The following LRRTM4 variants were observed in gnomAD, a reference collection of about 807,000 sequenced individuals.
LRRTM4 encodes leucine-rich repeat transmembrane neuronal protein 4.
A neutral mutation model predicts 47.6 loss-of-function variants in LRRTM4; 25 were observed. The ratio of observed to expected loss-of-function variants is 0.53; its 90% CI spans 0.38 to 0.73. The LOEUF (loss-of-function observed/expected upper bound fraction) is 0.73, where lower values mean the gene tolerates loss of function less well. Among genes scored for constraint, LRRTM4 ranks in the 30% least tolerant of loss-of-function variants. LRRTM4 has a pLI of 0.00. For missense variants in LRRTM4, 638 were observed against 713.4 expected (o/e 0.89, Z 1.20); for synonymous variants, 311 against 269.5 (o/e 1.15, Z -1.51).
chr2:77,483,504 C>A (rs1677796667), intron 3 of LRRTM4, among the ~76,000 whole-genome samples: 1 of 152,120 alleles, frequency 6.6e-6, no homozygotes, highest in Non-Finnish European at 1.5e-5. Flanking sequence ...CCACGCTCAG[C>A]TAATTTTTGT....
intron 3 of LRRTM4, among the ~76,000 whole-genome samples, chr2:76,835,027 T>C (rs918231729): frequency 6.6e-6 from 1 of 152,124 alleles, no homozygotes; most frequent in African/African-American, 2.4e-5. Flanking sequence ...GGTAATATCA[T>C]AAGGAAGACA....
rs1217526944 is a variant in LRRTM4 at position 76,974,265 on chromosome 2, C to CAT, written c.1552-225351_1552-225350dup. 4.6e-5 allele frequency among the ~76,000 whole-genome samples: 6 copies of CAT among 129,716 alleles called. No homozygotes were observed. In the South Asian group the frequency reaches 1.4e-3, roughly 31 times the overall value. The allele number at this position is 129,716 out of a possible 152,430, so 85.1% of individuals were successfully genotyped here. ...ACATATATATATATACACACACATA[C>CAT]ATATATATATGGATTATTTTGACAT... On this transcript the variant is annotated intron_variant, in intron 3 of 3. Coordinates refer to ENST00000409884, the MANE Select transcript of LRRTM4 (RefSeq NM_001134745.3).
At chr2:77,367,700 G>T (rs556644650) in intron 3 of LRRTM4, among the ~76,000 whole-genome samples, 6 of 151,796 alleles carry the variant, frequency 4.0e-5, no homozygotes, top group Admixed American at 2.0e-4. Context: ...AGAATTGATT[G>T]TTTCCATTTC....
chr2:76,902,872 A>G (rs1424605813), intron 3 of LRRTM4, among the ~76,000 whole-genome samples: 1 of 152,102 alleles, frequency 6.6e-6, no homozygotes, highest in Admixed American at 6.6e-5. Context: ...AAATGCTATC[A>G]TGTTCATTTG....
chr2:77,489,209 A>G (rs570454091), intron 3 of LRRTM4, among the ~76,000 whole-genome samples: 3 of 152,320 alleles, frequency 2.0e-5, no homozygotes, highest in African/African-American at 7.2e-5. Context: ...CTTGTCCAGA[A>G]GACTATAATC....
intron 3 of LRRTM4, among the ~76,000 whole-genome samples, chr2:77,108,611 T>A (rs1485957972): frequency 6.8e-6 from 1 of 147,032 alleles, no homozygotes; most frequent in Non-Finnish European, 1.5e-5. Context: ...TGAGACGGAG[T>A]CTCGCTCTGT....
intron 3 of LRRTM4, among the ~76,000 whole-genome samples, chr2:76,985,746 G>A (rs996566132): frequency 6.6e-6 from 1 of 151,848 alleles, no homozygotes; most frequent in African/African-American, 2.4e-5. Flanking sequence ...CAAAACACCG[G>A]CTTTTTTGAA....
rs192771748 is a variant in LRRTM4 at position 77,102,072 on chromosome 2, G to C, written c.1552-353156C>G. Among the ~76,000 whole-genome samples the C allele has an allele frequency of 2.0e-3, 307 of 152,286 alleles. 1 individual carries two copies. Among genetic ancestry groups the C allele is most frequent in the Middle Eastern group, 0.01 (3 of 294 alleles). The stretch of plus-strand genomic sequence containing the variant: ...GTTACTATCTGTGTGTGCTGTTTCA[G>C]CAACATTGGGCAACTGGCTCCAGCC... On this transcript the variant is annotated intron_variant, in intron 3 of 3. Coordinates refer to ENST00000409884, the MANE Select transcript of LRRTM4 (RefSeq NM_001134745.3).
At chr2:77,326,623 C>T (rs1280958570) in intron 3 of LRRTM4, among the ~76,000 whole-genome samples, 2 of 151,984 alleles carry the variant, frequency 1.3e-5, no homozygotes, top group Non-Finnish European at 2.9e-5. Flanking sequence ...CTTGAACTCC[C>T]GGCCTCAAGC....
intron 3 of LRRTM4, among the ~76,000 whole-genome samples, chr2:77,003,000 T>TG: frequency 6.9e-6 from 1 of 145,704 alleles, no homozygotes; most frequent in South Asian, 2.1e-4. Flanking sequence ...TTGTCAACAG[T>TG]GGTAACTTCA....
intron 3 of LRRTM4, among the ~76,000 whole-genome samples, chr2:77,242,597 C>G (rs1406788545): frequency 6.6e-6 from 1 of 151,846 alleles, no homozygotes. Context: ...AAATATAAAT[C>G]AAAACCACAA....
intron 3 of LRRTM4, among the ~76,000 whole-genome samples, chr2:77,137,694 G>A (rs373625725): frequency 6.6e-6 from 1 of 152,086 alleles, no homozygotes; most frequent in African/African-American, 2.4e-5. Flanking sequence ...TGGAAAAAGA[G>A]TCAAGACCCA....
At chr2:76,808,413 C>G (rs768022790) in intron 3 of LRRTM4, among the ~76,000 whole-genome samples, 1 of 148,798 alleles carries the variant, frequency 6.7e-6, no homozygotes, top group Non-Finnish European at 1.5e-5. Flanking sequence ...TATTTTCCAA[C>G]TGCATTGAAA....
intron 3 of LRRTM4, among the ~76,000 whole-genome samples, chr2:77,407,739 A>C (rs1228199328): frequency 1.5e-5 from 2 of 137,174 alleles, no homozygotes; most frequent in Non-Finnish European, 3.1e-5. Flanking sequence ...ATTATATATT[A>C]TATTCTATTA....
rs540335481 is a variant in LRRTM4 at position 76,798,401 on chromosome 2, A to G, written c.1552-49485T>C. Among the ~76,000 whole-genome samples the G allele has an allele frequency of 2.0e-5, 3 of 151,910 alleles. No individual in the cohort carries two copies. In the South Asian group the frequency reaches 6.3e-4, roughly 32 times the overall value. On this transcript the variant is annotated intron_variant, in intron 3 of 3. Coordinates refer to ENST00000409884, the MANE Select transcript of LRRTM4 (RefSeq NM_001134745.3). ...CAAATAAGGATGTTCTTTGAAACCA[A>G]CGAGAACAAAGACACAACATACCAG...
At chr2:77,495,391 TTTTAAC>T (rs201702512) in intron 3 of LRRTM4, among the ~76,000 whole-genome samples, 2,740 of 152,172 alleles carry the variant, frequency 0.018, 89 homozygotes, top group African/African-American at 0.062. Flanking sequence ...AGAGCAGAAG[TTTTAAC>T]TTTAAGTCCA....
In LRRTM4 at chr2:77,460,608, C is replaced by T. The variant is rs1412814311; in HGVS notation, c.1551+57710G>A. On this transcript the variant is annotated intron_variant, in intron 3 of 3. Coordinates refer to ENST00000409884, the MANE Select transcript of LRRTM4 (RefSeq NM_001134745.3). ...TGGTTCATTGACCAAAATAATTATA[C>T]ACATGTAATAAGTTAATTGATTATG... Among the ~76,000 whole-genome samples the T allele has an allele frequency of 4.6e-5, 7 of 152,178 alleles. No individual in the cohort carries two copies. The East Asian group carries it at 5.8e-4, about 13-fold the overall frequency.
At chr2:76,752,619 GCT>G (rs199667795) in intron 3 of LRRTM4, among the ~76,000 whole-genome samples, 3,873 of 152,194 alleles carry the variant, frequency 0.025, 75 homozygotes, top group Non-Finnish European at 0.039. Context: ...TGAAATATTT[GCT>G]CTTTTACTCT....
At chr2:76,841,704 G>T (rs1573196748) in intron 3 of LRRTM4, among the ~76,000 whole-genome samples, 1 of 142,948 alleles carries the variant, frequency 7.0e-6, no homozygotes, top group Non-Finnish European at 1.5e-5. Context: ...ATATATAAAA[G>T]AATTCAAGAC....
Sources: gnomAD v4.1 joint callset for allele counts (sites outside exome capture counted in the v4.1 genomes callset) on GRCh38, gnomAD v4.1.1 for gene constraint, MANE v1.5 for transcripts, NCBI Gene and HGNC (gene_info 2026-07-23, HGNC 2026-07-21) for gene names.